Variants in ARHGAP12 observed in about 807,000 individuals in gnomAD.
The protein encoded by ARHGAP12 is rho GTPase-activating protein 12.
Under a neutral mutation model 108.6 loss-of-function variants are expected in ARHGAP12, and 64 were observed. The ratio of observed to expected loss-of-function variants is 0.59; its 90% CI spans 0.48 to 0.73. The LOEUF is 0.73. Ranked by LOEUF, ARHGAP12 falls within the 30% of genes least tolerant of loss-of-function variation. The pLI, the probability that ARHGAP12 is intolerant of heterozygous loss-of-function variation, is 0.00. For missense variants in ARHGAP12, 940 were observed against 1,005.9 expected, an observed-to-expected ratio of 0.93 and a Z score of 0.89; for synonymous variants, 312 against 337.2, an observed-to-expected ratio of 0.93 and a Z score of 0.82.
rs895335709 is a variant in ARHGAP12 at position 31,805,989 on chromosome 10, G to T, written c.*1669C>A. ...TTCTACCACAAAATTCAGGTGAGAG[G>T]TTTTTAGACAGATCATACAAAAAAA... On this transcript the variant is annotated 3_prime_UTR_variant, in exon 20 of 20. Coordinates refer to ENST00000344936, the MANE Select transcript of ARHGAP12 (RefSeq NM_018287.7). The T allele has an allele frequency of 6.6e-5, 10 of 152,044 alleles. No individual in the cohort carries two copies. Among genetic ancestry groups the T allele is most frequent in the Admixed American group, 4.6e-4 (7 of 15,268 alleles). 9.4% of individuals were successfully genotyped at this position (152,044 alleles called of 1,614,324 possible).
intron 11 of ARHGAP12, among the ~76,000 whole-genome samples, chr10:31,820,883 T>C (rs992607769): frequency 1.3e-5 from 2 of 152,032 alleles, no homozygotes; most frequent in African/African-American, 4.8e-5. Flanking sequence ...TTGGTAATGC[T>C]ATATTTGCAA....
chr10:31,851,808 A>T (rs970391789), intron 6 of ARHGAP12, among the ~76,000 whole-genome samples: 1 of 152,212 alleles, frequency 6.6e-6, no homozygotes, highest in Non-Finnish European at 1.5e-5. Context: ...TTTGGGGAAA[A>T]GACAAATTTT....
chr10:31,889,632 T>TG (rs1564414325), intron 3 of ARHGAP12, among the ~76,000 whole-genome samples: 1 of 137,498 alleles, frequency 7.3e-6, no homozygotes. Flanking sequence ...TTTTTTTTTT[T>TG]TTTTTTTTTT....
At chr10:31,848,527 A>C (rs1270274181) in intron 6 of ARHGAP12, among the ~76,000 whole-genome samples, 6 of 152,044 alleles carry the variant, frequency 3.9e-5, no homozygotes, top group African/African-American at 9.7e-5. Context: ...AAAACTTTCA[A>C]CTCATCCTCC....
intron 3 of ARHGAP12, among the ~76,000 whole-genome samples, chr10:31,863,038 C>T (rs564080364): frequency 6.6e-6 from 1 of 152,268 alleles, no homozygotes; most frequent in South Asian, 2.1e-4. Context: ...AGAATAAGCT[C>T]TGTGAAAACA....
At chr10:31,820,828 T>C (rs1017222816) in intron 11 of ARHGAP12, among the ~76,000 whole-genome samples, 2 of 151,512 alleles carry the variant, frequency 1.3e-5, no homozygotes, top group Non-Finnish European at 2.9e-5. Context: ...AAAGGCCTCA[T>C]ATGCAAGTGG....
At chr10:31,846,866 C>T (rs995168313) in intron 6 of ARHGAP12, among the ~76,000 whole-genome samples, 65 of 143,712 alleles carry the variant, frequency 4.5e-4, no homozygotes, top group African/African-American at 1.5e-3. Flanking sequence ...TTAGCTCTTT[C>T]GTATTTTCCC....
rs548489395 is a variant in ARHGAP12 at position 31,889,737 on chromosome 10, C to G, written c.684+18435G>C. Among the ~76,000 whole-genome samples the G allele has an allele frequency of 1.0e-4, 15 of 149,896 alleles. 1 individual carries two copies. In the South Asian group the frequency reaches 3.0e-3, roughly 30 times the overall value. The stretch of plus-strand genomic sequence containing the variant: ...TGCCTCCTGGGTTCAAGCAATTCTC[C>G]CACCTCAGCCTCACGAGTAGCTGGG... On this transcript the variant is annotated intron_variant, in intron 3 of 19. Coordinates refer to ENST00000344936, the MANE Select transcript of ARHGAP12 (RefSeq NM_018287.7).
chr10:31,874,090 G>A (rs752243506), intron 3 of ARHGAP12, among the ~76,000 whole-genome samples: 1 of 152,156 alleles, frequency 6.6e-6, no homozygotes, highest in East Asian at 1.9e-4. Context: ...AAAACTATCT[G>A]TGATCACTTG....
chr10:31,895,287 G>A (rs1035946875), intron 3 of ARHGAP12, among the ~76,000 whole-genome samples: 11 of 152,184 alleles, frequency 7.2e-5, no homozygotes, highest in African/African-American at 2.4e-4. Context: ...CACAGCAAAA[G>A]AAACTACCAT....
At chr10:31,843,158 G>GT (rs1836331601) in intron 7 of ARHGAP12, among the ~76,000 whole-genome samples, 1 of 152,084 alleles carries the variant, frequency 6.6e-6, no homozygotes, top group African/African-American at 2.4e-5. Flanking sequence ...ACACACATCA[G>GT]TAAGCTACAG....
intron 3 of ARHGAP12, among the ~76,000 whole-genome samples, chr10:31,885,707 T>G (rs1350955606): frequency 6.6e-6 from 1 of 151,372 alleles, no homozygotes; most frequent in African/African-American, 2.4e-5. Context: ...TAAGCCCAGC[T>G]ACTCAGGAGG....
At chr10:31,853,783 A>AG (rs1836784999) in intron 5 of ARHGAP12, among the ~76,000 whole-genome samples, 1 of 152,250 alleles carries the variant, frequency 6.6e-6, no homozygotes, top group Non-Finnish European at 1.5e-5. Context: ...AAAAATATAA[A>AG]GAAATATGCC....
At chr10:31,850,706 T>A (rs1404375046) in intron 6 of ARHGAP12, among the ~76,000 whole-genome samples, 3 of 152,168 alleles carry the variant, frequency 2.0e-5, no homozygotes. Flanking sequence ...CAATGAAATA[T>A]TTGGAAAATA....
intron 3 of ARHGAP12, among the ~76,000 whole-genome samples, chr10:31,886,703 T>C (rs1838201792): frequency 6.6e-6 from 1 of 152,148 alleles, no homozygotes; most frequent in South Asian, 2.1e-4. Flanking sequence ...CCACCACCAT[T>C]GCCTTCTTTG....
chr10:31,814,070 G>A (rs1267521180), intron 14 of ARHGAP12, among the ~76,000 whole-genome samples, 189 bp downstream of exon 14: 1 of 152,140 alleles, frequency 6.6e-6, no homozygotes, highest in Non-Finnish European at 1.5e-5. Flanking sequence ...ATACTATGAG[G>A]CTGAAAAACG....
intron 11 of ARHGAP12, among the ~76,000 whole-genome samples, chr10:31,825,713 A>T (rs1835579480): frequency 1.3e-5 from 2 of 152,212 alleles, no homozygotes; most frequent in African/African-American, 4.8e-5. Context: ...CATTCAAAAA[A>T]TGTAGCTATT....
At chr10:31,896,525 T>G (rs1838704174) in intron 3 of ARHGAP12, among the ~76,000 whole-genome samples, 1 of 152,092 alleles carries the variant, frequency 6.6e-6, no homozygotes, top group Non-Finnish European at 1.5e-5. Context: ...ACTCCCCAGT[T>G]TCAGATCATA....
At chr10:31,818,116 A>G in intron 12 of ARHGAP12, among the ~76,000 whole-genome samples, 1 of 152,248 alleles carries the variant, frequency 6.6e-6, no homozygotes, top group East Asian at 1.9e-4. Context: ...AATTCTCACA[A>G]AAATCTAATA....
Sources: gnomAD v4.1 joint callset for allele counts (sites outside exome capture counted in the v4.1 genomes callset) on GRCh38, gnomAD v4.1.1 for gene constraint, MANE v1.5 for transcripts, NCBI Gene and HGNC (gene_info 2026-07-23, HGNC 2026-07-21) for gene names.